TOR1AIP2: variants seen among roughly 807,000 people sequenced by gnomAD.
The protein encoded by TOR1AIP2 is torsin 1A interacting protein 2, also known as torsin-1A-interacting protein 2.
A neutral mutation model predicts 32.6 loss-of-function variants in TOR1AIP2; 20 were observed. The ratio of observed to expected loss-of-function variants is 0.61; its 90% CI spans 0.43 to 0.89. The LOEUF (loss-of-function observed/expected upper bound fraction) is 0.89, where lower values mean the gene tolerates loss of function less well. Among genes scored for constraint, TOR1AIP2 ranks in the 40% least tolerant of loss-of-function variants. TOR1AIP2 has a pLI of 0.00. For synonymous variants in TOR1AIP2, 214 were observed against 210.8 expected (o/e 1.02, Z -0.13); for missense variants, 456 against 553.8 (o/e 0.82, Z 1.77).
chr1:179,864,309 G>T, intron 3 of TOR1AIP2: 2 of 985,980 alleles, frequency 2.0e-6, no homozygotes, highest in Non-Finnish European at 2.4e-6. Context: ...ACTGACCAAT[G>T]CATAAGAGGT....
chr1:179,846,528 T>C lies in TOR1AIP2; in HGVS notation c.956A>G (p.Tyr319Cys). The C allele has an allele frequency of 1.9e-6, 3 of 1,614,122 alleles. No individual in the cohort carries two copies. The highest frequency in any genetic ancestry group is 1.7e-6 in the Non-Finnish European group (2 of 1,179,998). ...GGGAGAGACTTTCTGGGAAGAGGTG[T>C]AGGCATCTGCAACATGGTGGCTCAG... ...KCLSHHVADA[Y>C]TSSQKVSPIQ... The change falls in exon 7 of 7, where the codon TAC becomes TGC. Residue 319 changes from tyrosine (Y) to cysteine (C), a missense_variant. Transcript: ENST00000609928.
At chr1:179,863,194 A>G in intron 3 of TOR1AIP2, 1 of 943,214 alleles carries the variant, frequency 1.1e-6, no homozygotes, top group Non-Finnish European at 1.2e-6. Context: ...ACTGCACTCC[A>G]GCCTGGGCGA....
At chr1:179,847,054 G>A (rs1045682477) in intron 6 of TOR1AIP2, among the ~76,000 whole-genome samples, 17 of 152,270 alleles carry the variant, frequency 1.1e-4, no homozygotes, top group African/African-American at 3.8e-4. Flanking sequence ...TAAAAGCTAC[G>A]TGGAAGAGTT....
chr1:179,844,404 T>G lies in TOR1AIP2; in HGVS notation c.*1667A>C, dbSNP rs1695823908. The G allele has an allele frequency of 6.6e-6, 1 of 152,220 alleles. No homozygotes were observed. The highest frequency in any genetic ancestry group is 2.4e-5 in the African/African-American group (1 of 41,440). The allele number at this position is 152,220 out of a possible 1,614,324, so 9.4% of individuals were successfully genotyped here. A position where few individuals can be genotyped will look rare whatever the true frequency, so the allele number is the denominator to read the frequency against. On this transcript the variant is annotated 3_prime_UTR_variant, in exon 7 of 7. Transcript: ENST00000609928. ...TCTTCTTAGTGTTTCCTAAAATCTT[T>G]CCATACTTTAATCAGACTTCTTAGC...
At chr1:179,852,533 A>T in intron 4 of TOR1AIP2, 99 bp downstream of exon 4, 1 of 1,284,968 alleles carries the variant, frequency 7.8e-7, no homozygotes, top group Non-Finnish European at 1.1e-6. Context: ...TAGCTTTTTT[A>T]CTTCAAAACC....
rs563645042 is a variant in TOR1AIP2 at position 179,870,882 on chromosome 1, T to C, written c.-565-5028A>G. Among the ~76,000 whole-genome samples the C allele has an allele frequency of 1.3e-4, 20 of 152,358 alleles. 1 individual carries two copies. In the South Asian group the frequency reaches 4.1e-3, roughly 32 times the overall value. On this transcript the variant is annotated intron_variant, in intron 2 of 6. Transcript: ENST00000609928. ...GGTTTTTAGAAATGCTAAATAAAAA[T>C]ACCTTGAGAACTACCATTACTTTAT...
In TOR1AIP2 at chr1:179,840,196, GA is replaced by G. The variant is rs1695677780; in HGVS notation, c.*5874del. On this transcript the variant is annotated 3_prime_UTR_variant, in exon 7 of 7. Coordinates refer to ENST00000609928, the MANE Select transcript of TOR1AIP2 (RefSeq NM_001199260.2). The stretch of plus-strand genomic sequence containing the variant: ...CAGTGTGCTGTTTCTTTTATGACAG[GA>G]AAGGCAAATAGATTTAAATTTCCTG... The G allele has an allele frequency of 6.6e-6, 1 of 152,202 alleles. No homozygotes were observed. Among genetic ancestry groups the G allele is most frequent in the African/African-American group, 2.4e-5 (1 of 41,442 alleles). The allele number at this position is 152,202 out of a possible 1,614,324, so 9.4% of individuals were successfully genotyped here.
chr1:179,854,336 G>GA (rs966945227), intron 3 of TOR1AIP2, among the ~76,000 whole-genome samples: 4 of 150,582 alleles, frequency 2.7e-5, no homozygotes, highest in African/African-American at 4.9e-5. Flanking sequence ...TAAGTAAACA[G>GA]AAAAAAAAAT....
intron 3 of TOR1AIP2, chr1:179,859,597 T>C: frequency 1.0e-6 from 1 of 985,426 alleles, no homozygotes. Context: ...CTTCAGGAAT[T>C]TGTTTATTTC....
At chr1:179,869,974 C>T (rs1340910379) in intron 2 of TOR1AIP2, among the ~76,000 whole-genome samples, 1 of 152,156 alleles carries the variant, frequency 6.6e-6, no homozygotes, top group Non-Finnish European at 1.5e-5. Flanking sequence ...GCTCACAAAG[C>T]CAAAGGATAC....
chr1:179,855,223 A>T (rs1696254553), intron 3 of TOR1AIP2, among the ~76,000 whole-genome samples: 1 of 152,210 alleles, frequency 6.6e-6, no homozygotes, highest in Non-Finnish European at 1.5e-5. Flanking sequence ...CAGAAAGGAA[A>T]ATTTGACAAA....
At chr1:179,863,543 C>T (rs1696639084) in intron 3 of TOR1AIP2, 1 of 984,584 alleles carries the variant, frequency 1.0e-6, no homozygotes, top group Non-Finnish European at 1.2e-6. Flanking sequence ...AAACATGGAT[C>T]CTAGGCCGGG....
chr1:179,852,784 C>A lies in TOR1AIP2; in HGVS notation c.-119G>T. ...CCAACAGACTCATGCTTCCCATGGACCCAGGAAATAAGGCATATATACAGT... is the reference window on the plus strand; with the variant it reads ...CCAACAGACTCATGCTTCCCATGGAACCAGGAAATAAGGCATATATACAGT... On this transcript the variant is annotated 5_prime_UTR_variant, in exon 4 of 7. Transcript: ENST00000609928. 1 of 1,562,204 alleles carries A rather than the reference C, an allele frequency of 6.4e-7. No homozygotes were observed. The highest frequency in any genetic ancestry group is 8.7e-7 in the Non-Finnish European group (1 of 1,152,836).
rs186246251 is a variant in TOR1AIP2, at chr1:179,877,074, G to A, written c.-566+165C>T. Among the ~76,000 whole-genome samples, 17 of 151,750 alleles carry A rather than the reference G, an allele frequency of 1.1e-4. No individual in the cohort carries two copies. The East Asian group carries it at 2.3e-3, about 21-fold the overall frequency. On this transcript the variant is annotated intron_variant, in intron 2 of 6. Coordinates refer to ENST00000609928, the MANE Select transcript of TOR1AIP2 (RefSeq NM_001199260.2). ...GCATGTTGGGAATGGAGTAATCGCC[G>A]CCTACACTAGTAGGCAAATTTCCCA...
At chr1:179,849,468 C>CCAG (rs1305603452) in intron 5 of TOR1AIP2, among the ~76,000 whole-genome samples, 1 of 152,180 alleles carries the variant, frequency 6.6e-6, no homozygotes, top group Non-Finnish European at 1.5e-5. Flanking sequence ...AAGTGATCCA[C>CCAG]CAGCCTTGGC....
intron 3 of TOR1AIP2, chr1:179,859,243 C>A (rs1164882158): frequency 1.1e-5 from 10 of 897,054 alleles, no homozygotes; most frequent in Non-Finnish European, 1.3e-5. Context: ...TCATTCACAG[C>A]ACTTTATTAA....
At chr1:179,871,554 T>A (rs1697012136) in intron 2 of TOR1AIP2, among the ~76,000 whole-genome samples, 1 of 152,236 alleles carries the variant, frequency 6.6e-6, no homozygotes, top group Non-Finnish European at 1.5e-5. Flanking sequence ...GGTAGCATAA[T>A]AATTAAGTTT....
chr1:179,860,289 C>T, intron 3 of TOR1AIP2: 2 of 839,182 alleles, frequency 2.4e-6, no homozygotes. Context: ...TCAAGACCAG[C>T]TTGGGCAACA....
At chr1:179,847,696 C>T in intron 5 of TOR1AIP2, 60 bp from the exon 6 acceptor site, 1 of 1,086,248 alleles carries the variant, frequency 9.2e-7, no homozygotes, top group East Asian at 2.4e-5. Context: ...GTATGTATAC[C>T]TTTATATCTC....
Sources: gnomAD v4.1 joint callset for allele counts (sites outside exome capture counted in the v4.1 genomes callset) on GRCh38, gnomAD v4.1.1 for gene constraint, MANE v1.5 for transcripts, NCBI Gene and HGNC (gene_info 2026-07-23, HGNC 2026-07-21) for gene names.